TMC1: variants seen among roughly 807,000 people sequenced by gnomAD.
TMC1 encodes transmembrane channel-like protein 1.
Under a neutral mutation model 105.8 loss-of-function variants are expected in TMC1, and 84 were observed. The observed-to-expected ratio is 0.79, with a 90% CI of 0.67 to 0.95. TMC1 has a LOEUF of 0.95. Among genes scored for constraint, TMC1 ranks in the 40% least tolerant of loss-of-function variants. TMC1 has a pLI of 0.00. For missense variants in TMC1, 817 were observed against 914.1 expected (o/e 0.89, Z 1.37); for synonymous variants, 315 against 311.5 (o/e 1.01, Z -0.12).
chr9:72,670,723 A>G (rs1325029764), intron 5 of TMC1, among the ~76,000 whole-genome samples: 1 of 152,214 alleles, frequency 6.6e-6, no homozygotes, highest in Non-Finnish European at 1.5e-5. Flanking sequence ...ACAATAAAAT[A>G]TGTACAGATG....
chr9:72,819,461 C>T (rs569124128), intron 19 of TMC1, among the ~76,000 whole-genome samples: 1 of 152,180 alleles, frequency 6.6e-6, no homozygotes, highest in Non-Finnish European at 1.5e-5. Context: ...TCTTGCTGTC[C>T]TGTAACAAAA....
At chr9:72,688,385 C>T (rs983830896) in intron 5 of TMC1, among the ~76,000 whole-genome samples, 6 of 151,962 alleles carry the variant, frequency 3.9e-5, no homozygotes, top group East Asian at 1.9e-4. Context: ...CCGACAAACC[C>T]CAAGTCTACT....
chr9:72,560,863 C>G (rs1824034044), intron 1 of TMC1, among the ~76,000 whole-genome samples: 1 of 152,044 alleles, frequency 6.6e-6, no homozygotes, highest in African/African-American at 2.4e-5. Flanking sequence ...ACCACCCAAG[C>G]AAACTTCATT....
At chr9:72,681,701 C>T (rs543606796) in intron 5 of TMC1, among the ~76,000 whole-genome samples, 37 of 152,066 alleles carry the variant, frequency 2.4e-4, no homozygotes, top group Non-Finnish European at 4.3e-4. Context: ...CTCCTTCTTA[C>T]GTATATAAAA....
At chr9:72,685,793 T>C (rs1168751042) in intron 5 of TMC1, among the ~76,000 whole-genome samples, 6 of 152,176 alleles carry the variant, frequency 3.9e-5, no homozygotes, top group Non-Finnish European at 8.8e-5. Context: ...TAAATGGTAA[T>C]TCAATAAGTG....
At chr9:72,653,640 T>A (rs1284824505) in intron 5 of TMC1, among the ~76,000 whole-genome samples, 1 of 152,174 alleles carries the variant, frequency 6.6e-6, no homozygotes, top group Non-Finnish European at 1.5e-5. Context: ...CAATATACTA[T>A]ATACATTTAA....
intron 21 of TMC1, 114 bp downstream of exon 21, chr9:72,827,108 C>T: frequency 1.5e-6 from 2 of 1,348,698 alleles, no homozygotes; most frequent in Non-Finnish European, 2.1e-6. Flanking sequence ...TGTAACCTAT[C>T]CAAATTCAAC....
At chr9:72,700,713 CATATATATAT>C (rs72200654) in intron 8 of TMC1, 70 bp downstream of exon 8, 3,924 of 316,266 alleles carry the variant, frequency 0.012, 1 homozygote, top group Non-Finnish European at 0.016. Flanking sequence ...CTGAATATTC[CATATATATAT>C]ATATATATAT....
intron 1 of TMC1, among the ~76,000 whole-genome samples, chr9:72,565,357 T>C (rs1162047078): frequency 6.6e-6 from 1 of 151,686 alleles, no homozygotes; most frequent in African/African-American, 2.4e-5. Flanking sequence ...GAAGTAATTA[T>C]GAAGAGGTGT....
intron 8 of TMC1, among the ~76,000 whole-genome samples, chr9:72,709,761 C>T (rs1298695749): frequency 3.9e-5 from 6 of 152,060 alleles, no homozygotes; most frequent in Admixed American, 6.6e-5. Flanking sequence ...TTCTTTGCTT[C>T]ATTAATCTTG....
intron 13 of TMC1, among the ~76,000 whole-genome samples, chr9:72,784,457 T>C (rs1259861935): frequency 6.6e-6 from 1 of 152,130 alleles, no homozygotes; most frequent in Non-Finnish European, 1.5e-5. Context: ...CTGGCATGAC[T>C]GTGGAGAAAA....
At chr9:72,648,801 G>T in intron 5 of TMC1, 137 bp downstream of exon 5, 1 of 753,886 alleles carries the variant, frequency 1.3e-6, no homozygotes, top group Non-Finnish European at 2.3e-6. Context: ...TTTTTTCTGT[G>T]GGTAGTTTCC....
intron 2 of TMC1, among the ~76,000 whole-genome samples, chr9:72,607,002 T>TAGAGAGAGAGAGAGAG (rs57741839): frequency 4.3e-4 from 58 of 134,886 alleles, no homozygotes; most frequent in South Asian, 5.0e-4. Context: ...TATATATATA[T>TAGAGAGAGAGAGAGAG]AGAGAGAGAG....
chr9:72,574,239 AAG>A (rs1824337006), intron 1 of TMC1, among the ~76,000 whole-genome samples: 1 of 152,220 alleles, frequency 6.6e-6, no homozygotes, highest in Non-Finnish European at 1.5e-5. Flanking sequence ...GGGCTAGTAA[AAG>A]AGAACAGAAA....
At chr9:72,778,339 T>C (rs1161384480) in intron 13 of TMC1, among the ~76,000 whole-genome samples, 1 of 152,142 alleles carries the variant, frequency 6.6e-6, no homozygotes, top group Non-Finnish European at 1.5e-5. Context: ...GACTCTGTGC[T>C]GAAGTTAGAG....
chr9:72,747,563 A>T (rs1257573268), intron 10 of TMC1, among the ~76,000 whole-genome samples: 1 of 152,102 alleles, frequency 6.6e-6, no homozygotes, highest in Non-Finnish European at 1.5e-5. Context: ...TACGTATCAG[A>T]GACTCTGTTT....
chr9:72,625,149 G>A (rs1344183146), intron 3 of TMC1, among the ~76,000 whole-genome samples: 1 of 152,202 alleles, frequency 6.6e-6, no homozygotes, highest in African/African-American at 2.4e-5. Context: ...GGAATGTGAT[G>A]TCCAAGGCTA....
intron 1 of TMC1, among the ~76,000 whole-genome samples, chr9:72,575,531 G>A (rs765103620): frequency 4.6e-5 from 7 of 152,096 alleles, no homozygotes; most frequent in Admixed American, 6.6e-5. Context: ...CAAATCTCTC[G>A]AATAGGAAAA....
At chr9:72,731,638 A>G (rs564292101) in intron 8 of TMC1, among the ~76,000 whole-genome samples, 1 of 152,238 alleles carries the variant, frequency 6.6e-6, no homozygotes, top group Admixed American at 6.5e-5. Flanking sequence ...GCTCAAAAAT[A>G]CTCTGGATCC....
Sources: allele counts gnomAD v4.1 joint callset (sites outside exome capture counted in the v4.1 genomes callset), GRCh38; gene constraint gnomAD v4.1.1; transcripts MANE v1.5; gene names NCBI Gene and HGNC (gene_info 2026-07-23, HGNC 2026-07-21).